The following DLG2 variants were observed in gnomAD, a reference collection of about 807,000 sequenced individuals.
The protein encoded by DLG2 is discs large MAGUK scaffold protein 2.
DLG2 carries 45 observed loss-of-function variants against 132.5 expected under a neutral mutation model. That is an observed-to-expected ratio of 0.34 (90% CI 0.27 to 0.44). The LOEUF is 0.44. DLG2 is among the 20% of genes least tolerant of loss of function. The probability of loss-of-function intolerance (pLI) is 1.00; values close to 1 mark genes in which losing one functional copy is unlikely to be tolerated. For synonymous variants in DLG2, 424 were observed against 419.6 expected, an observed-to-expected ratio of 1.01 and a Z score of -0.13; for missense variants, 1,045 against 1,196.9, an observed-to-expected ratio of 0.87 and a Z score of 1.87.
intron 6 of DLG2, among the ~76,000 whole-genome samples, chr11:85,012,093 AG>A (rs1322937942): frequency 2.0e-5 from 3 of 150,430 alleles, no homozygotes; most frequent in Non-Finnish European, 4.4e-5. Flanking sequence ...AGGGCGAGGC[AG>A]GCGGATCACC....
Position 84,174,014 on chromosome 11 carries a change from C to CTTTTTTTTTTTTTTTTTTTTTTTTT in DLG2, c.574-10504_574-10503insAAAAAAAAAAAAAAAAAAAAAAAAA, listed in dbSNP as rs11338428. Among the ~76,000 whole-genome samples the CTTTTTTTTTTTTTTTTTTTTTTTTT allele has an allele frequency of 4.1e-4, 25 of 61,202 alleles. 4 individuals are homozygous for CTTTTTTTTTTTTTTTTTTTTTTTTT. The highest frequency in any genetic ancestry group is 1.6e-3 in the African/African-American group (25 of 15,362). The allele number at this position is 61,202 out of a possible 152,430, so 40.2% of individuals were successfully genotyped here. ...CTGAGTTTTGACTTCACCCCCCGGC[C>CTTTTTTTTTTTTTTTTTTTTTTTTT]TTTTTTTTTTTTTTTTTTTTTTCTG... On this transcript the variant is annotated intron_variant, in intron 8 of 27. Coordinates refer to ENST00000376104, the MANE Select transcript of DLG2 (RefSeq NM_001142699.3).
intron 7 of DLG2, among the ~76,000 whole-genome samples, chr11:84,411,875 T>C (rs930997600): frequency 1.3e-5 from 2 of 152,170 alleles, no homozygotes; most frequent in Non-Finnish European, 2.9e-5. Flanking sequence ...TTCCTTGCTA[T>C]AGATTTTGGG....
intron 8 of DLG2, among the ~76,000 whole-genome samples, chr11:84,182,870 A>T (rs1354688868): frequency 7.5e-6 from 1 of 133,086 alleles, no homozygotes; most frequent in Non-Finnish European, 1.7e-5. Context: ...AAGAAAAAAA[A>T]TGACAAAATT....
intron 6 of DLG2, among the ~76,000 whole-genome samples, chr11:84,988,352 C>G (rs1020481722): frequency 1.3e-5 from 2 of 152,184 alleles, no homozygotes; most frequent in African/African-American, 4.8e-5. Context: ...ATCCAGCGAT[C>G]CCACTACTGG....
chr11:85,133,376 G>C (rs903011382), intron 5 of DLG2, among the ~76,000 whole-genome samples: 1 of 152,008 alleles, frequency 6.6e-6, no homozygotes, highest in African/African-American at 2.4e-5. Context: ...CATGATTGCC[G>C]GGAGTCTAAA....
At position 84,519,606 on chromosome 11, in the gene DLG2, C is replaced by A. The variant is rs1426849530; in HGVS notation, c.519+14964G>T. ...TAAAATCCTTCTCATCTAGGGGAAC[C>A]TGTTGATCTTTCCTGCTGAGGGCTG... On this transcript the variant is annotated intron_variant, in intron 7 of 27. Transcript: ENST00000376104. Among the ~76,000 whole-genome samples, 16 of 152,126 alleles carry A rather than the reference C, an allele frequency of 1.1e-4. 1 individual carries two copies. The highest frequency in any genetic ancestry group is 1.0e-3 in the Admixed American group (16 of 15,264).
intron 7 of DLG2, among the ~76,000 whole-genome samples, chr11:84,361,065 T>C (rs1342768655): frequency 6.6e-6 from 1 of 151,748 alleles, no homozygotes; most frequent in Non-Finnish European, 1.5e-5. Flanking sequence ...ACGGAAACTG[T>C]TTAAAACACA....
chr11:83,475,628 G>A (rs1486990682), intron 22 of DLG2, among the ~76,000 whole-genome samples: 2 of 151,754 alleles, frequency 1.3e-5, no homozygotes, highest in African/African-American at 4.8e-5. Flanking sequence ...AGAGAGATAG[G>A]GGCTGAAACC....
At chr11:84,847,454 T>C (rs750884210) in intron 6 of DLG2, among the ~76,000 whole-genome samples, 6 of 152,060 alleles carry the variant, frequency 3.9e-5, no homozygotes, top group Non-Finnish European at 7.4e-5. Context: ...GTTTTATGGG[T>C]TTTTTAGTGA....
chr11:84,095,642 T>G (rs2097155463), intron 10 of DLG2, among the ~76,000 whole-genome samples: 1 of 152,136 alleles, frequency 6.6e-6, no homozygotes, highest in African/African-American at 2.4e-5. Context: ...ACATTTGGAT[T>G]TTAGTTAAAT....
chr11:85,060,308 T>C (rs977483491), intron 6 of DLG2, among the ~76,000 whole-genome samples: 5 of 150,760 alleles, frequency 3.3e-5, no homozygotes, highest in Non-Finnish European at 7.4e-5. Context: ...AGTATATGTA[T>C]ATAATATATA....
At chr11:84,165,578 C>T (rs938643779) in intron 8 of DLG2, among the ~76,000 whole-genome samples, 2 of 152,052 alleles carry the variant, frequency 1.3e-5, no homozygotes, top group Non-Finnish European at 2.9e-5. Context: ...AGAGATGATG[C>T]CATCAAGGTT....
chr11:84,511,787 G>A (rs1430921541), intron 7 of DLG2, among the ~76,000 whole-genome samples: 1 of 152,072 alleles, frequency 6.6e-6, no homozygotes, highest in Admixed American at 6.6e-5. Flanking sequence ...AACTCATTTG[G>A]CATATATGTT....
intron 18 of DLG2, among the ~76,000 whole-genome samples, chr11:83,774,007 A>G (rs1403768434): frequency 6.6e-6 from 1 of 152,156 alleles, no homozygotes; most frequent in Non-Finnish European, 1.5e-5. Context: ...TGTATCCAAG[A>G]CCAAACATGA....
At chr11:85,362,658 T>C (rs1269844798) in intron 3 of DLG2, among the ~76,000 whole-genome samples, 1 of 152,122 alleles carries the variant, frequency 6.6e-6, no homozygotes, top group African/African-American at 2.4e-5. Flanking sequence ...CAGACTTTTC[T>C]TTACAAAACA....
intron 6 of DLG2, among the ~76,000 whole-genome samples, chr11:84,644,251 G>A (rs1284701482): frequency 6.6e-6 from 1 of 152,080 alleles, no homozygotes; most frequent in Admixed American, 6.5e-5. Flanking sequence ...CAATTCAGAA[G>A]AATGAGAGGC....
intron 18 of DLG2, among the ~76,000 whole-genome samples, chr11:83,785,643 T>C (rs990865234): frequency 6.6e-6 from 1 of 152,166 alleles, no homozygotes; most frequent in African/African-American, 2.4e-5. Context: ...TGGAAGAAAA[T>C]ATTTTCTTTA....
intron 7 of DLG2, among the ~76,000 whole-genome samples, chr11:84,351,032 A>T (rs959356532): frequency 6.6e-6 from 1 of 152,176 alleles, no homozygotes; most frequent in Non-Finnish European, 1.5e-5. Flanking sequence ...TTTGGAGAGC[A>T]CTGTACAGTC....
At chr11:84,188,595 C>T (rs2096333335) in intron 8 of DLG2, among the ~76,000 whole-genome samples, 1 of 152,100 alleles carries the variant, frequency 6.6e-6, no homozygotes. Flanking sequence ...AAGAAAATTT[C>T]TTCCCACTGA....
Sources: gnomAD v4.1 joint callset for allele counts (sites outside exome capture counted in the v4.1 genomes callset) on GRCh38, gnomAD v4.1.1 for gene constraint, MANE v1.5 for transcripts, NCBI Gene and HGNC (gene_info 2026-07-23, HGNC 2026-07-21) for gene names.